Variants in LGSN observed in about 807,000 individuals in gnomAD.
LGSN encodes the protein lengsin, lens protein with glutamine synthetase domain, also known as lengsin.
Under a neutral mutation model 19.5 loss-of-function variants are expected in LGSN, and 21 were observed. The ratio of observed to expected loss-of-function variants is 1.07; its 90% CI spans 0.76 to 1.55. LGSN has a LOEUF of 1.55. Ranked by LOEUF, LGSN falls within the 40% of genes most tolerant of loss-of-function variation. The pLI, the probability that LGSN is intolerant of heterozygous loss-of-function variation, is 0.00. For synonymous variants in LGSN, 257 were observed against 215.6 expected (o/e 1.19, Z -1.68); for missense variants, 673 against 608.5 (o/e 1.11, Z -1.12).
chr6:63,291,124 G>A (rs528411251), intron 2 of LGSN, among the ~76,000 whole-genome samples: 75 of 152,312 alleles, frequency 4.9e-4, no homozygotes, highest in Admixed American at 9.2e-4. Flanking sequence ...CTCGGCCACT[G>A]CACTCAAACC....
chr6:63,401,436 T>C, the LGSN span, among the ~76,000 whole-genome samples: 9 of 150,148 alleles, frequency 6.0e-5, no homozygotes, highest in African/African-American at 2.2e-4. Context: ...AAGGTACAAG[T>C]TAATTCAAAA....
chr6:63,477,687 CTTTTTTTTTTT>C, the LGSN span, among the ~76,000 whole-genome samples: 1 of 61,026 alleles, frequency 1.6e-5, no homozygotes, highest in Non-Finnish European at 2.9e-5. Context: ...TTCTTTTTTT[CTTTTTTTTTTT>C]TTTTTTTTTT....
At chr6:63,409,416 ACATATATCTAAACTT>A in the LGSN span, among the ~76,000 whole-genome samples, 1 of 152,226 alleles carries the variant, frequency 6.6e-6, no homozygotes, top group Non-Finnish European at 1.5e-5. Context: ...AGAAATTTTT[ACATATATCTAAACTT>A]CTTGATCAAG....
chr6:63,397,548 A>G, the LGSN span, among the ~76,000 whole-genome samples: 1 of 152,112 alleles, frequency 6.6e-6, no homozygotes. Flanking sequence ...ATTTTAAAGA[A>G]GCGGGCTATG....
the LGSN span, among the ~76,000 whole-genome samples, chr6:63,524,914 G>A: frequency 6.6e-6 from 1 of 152,134 alleles, no homozygotes; most frequent in African/African-American, 2.4e-5. Flanking sequence ...TACCTCAGAG[G>A]CATTCTTCAT....
At chr6:63,462,269 C>T in the LGSN span, among the ~76,000 whole-genome samples, 3 of 152,246 alleles carry the variant, frequency 2.0e-5, no homozygotes, top group South Asian at 2.1e-4. Context: ...GTATCTGATT[C>T]GGGTATCTGA....
chr6:63,413,784 T>C, the LGSN span, among the ~76,000 whole-genome samples: 1 of 152,198 alleles, frequency 6.6e-6, no homozygotes, highest in African/African-American at 2.4e-5. Flanking sequence ...TAATCTGAAA[T>C]GATTTTGCCT....
the LGSN span, among the ~76,000 whole-genome samples, chr6:63,416,954 C>CAT: frequency 6.7e-6 from 1 of 149,846 alleles, no homozygotes; most frequent in Non-Finnish European, 1.5e-5. Context: ...CACACACACA[C>CAT]ACACATTTAA....
chr6:63,491,825 G>A, the LGSN span, among the ~76,000 whole-genome samples: 1 of 152,146 alleles, frequency 6.6e-6, no homozygotes, highest in African/African-American at 2.4e-5. Flanking sequence ...GAGGTCAGAA[G>A]TTCAAGACCA....
chr6:63,452,262 T>A, the LGSN span, among the ~76,000 whole-genome samples: 1 of 152,132 alleles, frequency 6.6e-6, no homozygotes, highest in Non-Finnish European at 1.5e-5. Flanking sequence ...TTATTCTTTA[T>A]TTTAGAGACA....
chr6:63,449,632 C>T, the LGSN span, among the ~76,000 whole-genome samples: 1 of 151,106 alleles, frequency 6.6e-6, no homozygotes, highest in African/African-American at 2.4e-5. Context: ...TAGAAAACAA[C>T]CAGTCCAAAC....
the LGSN span, among the ~76,000 whole-genome samples, chr6:63,459,987 T>A: frequency 6.6e-6 from 1 of 151,386 alleles, no homozygotes; most frequent in Admixed American, 6.6e-5. Context: ...CTTCACGTGC[T>A]CCATGTCCAC....
chr6:63,317,541 A>T (rs1399965421), intron 1 of LGSN, among the ~76,000 whole-genome samples: 1 of 152,208 alleles, frequency 6.6e-6, no homozygotes, highest in African/African-American at 2.4e-5. Flanking sequence ...TTATAAAATG[A>T]ACTATAAACC....
the LGSN span, among the ~76,000 whole-genome samples, chr6:63,501,978 G>T: frequency 6.6e-6 from 1 of 152,078 alleles, no homozygotes; most frequent in Non-Finnish European, 1.5e-5. Flanking sequence ...TTTCAGTTTT[G>T]TATAGAAGAC....
the LGSN span, among the ~76,000 whole-genome samples, chr6:63,555,738 G>A: frequency 7.0e-6 from 1 of 142,122 alleles, no homozygotes; most frequent in South Asian, 2.2e-4. Context: ...CTGTCACCCA[G>A]CCTGGAGTGC....
chr6:63,445,077 G>A, the LGSN span, among the ~76,000 whole-genome samples: 5 of 152,272 alleles, frequency 3.3e-5, no homozygotes, highest in Non-Finnish European at 5.9e-5. Context: ...TTGGAAGGCC[G>A]AGGTGGGCGG....
chr6:63,496,789 A>C, the LGSN span, among the ~76,000 whole-genome samples: 2 of 151,786 alleles, frequency 1.3e-5, no homozygotes, highest in African/African-American at 4.9e-5. Context: ...GGTAGGTACT[A>C]CTATCATCCC....
At chr6:63,435,838 G>A in the LGSN span, among the ~76,000 whole-genome samples, 393 of 149,398 alleles carry the variant, frequency 2.6e-3, 3 homozygotes, top group African/African-American at 9.1e-3. Flanking sequence ...AATGTTTCAC[G>A]AAAGTTTTCT....
chr6:63,485,877 C>T, the LGSN span, among the ~76,000 whole-genome samples: 1 of 152,038 alleles, frequency 6.6e-6, no homozygotes, highest in African/African-American at 2.4e-5. Flanking sequence ...TATGGACACG[C>T]ACCACCATGC....
Sources: gnomAD v4.1 joint callset for allele counts (sites outside exome capture counted in the v4.1 genomes callset) on GRCh38, gnomAD v4.1.1 for gene constraint, MANE v1.5 for transcripts, NCBI Gene and HGNC (gene_info 2026-07-23, HGNC 2026-07-21) for gene names.